Variants in XPR1 observed in about 807,000 individuals in gnomAD.
The protein encoded by XPR1 is xenotropic and polytropic retrovirus receptor 1.
Under a neutral mutation model 87.5 loss-of-function variants are expected in XPR1, and 28 were observed. That is an observed-to-expected ratio of 0.32 (90% CI 0.24 to 0.44). The LOEUF (loss-of-function observed/expected upper bound fraction) is 0.44, where lower values mean the gene tolerates loss of function less well. Ranked by LOEUF, XPR1 falls within the 20% of genes least tolerant of loss-of-function variation. The pLI is 1.00. For missense variants in XPR1, 559 were observed against 862.3 expected (o/e 0.65, Z 4.41); for synonymous variants, 300 against 306.1 (o/e 0.98, Z 0.21).
At chr1:180,875,606 G>A (rs1413796108) in intron 13 of XPR1, among the ~76,000 whole-genome samples, 1 of 151,616 alleles carries the variant, frequency 6.6e-6, no homozygotes, top group Non-Finnish European at 1.5e-5. Flanking sequence ...ATGCTTACAA[G>A]GAAATGTGTA....
At chr1:180,829,593 G>A (rs1192426671) in intron 9 of XPR1, among the ~76,000 whole-genome samples, 1 of 152,030 alleles carries the variant, frequency 6.6e-6, no homozygotes, top group African/African-American at 2.4e-5. Flanking sequence ...CTATAATATG[G>A]TGCTATAATT....
chr1:180,780,109 G>A (rs1467615825), intron 2 of XPR1, among the ~76,000 whole-genome samples: 1 of 152,128 alleles, frequency 6.6e-6, no homozygotes, highest in African/African-American at 2.4e-5. Flanking sequence ...TATAAATAAT[G>A]CTGCTCTGAA....
Position 180,656,348 on chromosome 1 carries a change from T to A in XPR1, c.69+24078T>A, listed in dbSNP as rs150420993. Among the ~76,000 whole-genome samples, 329 of 106,336 alleles carry A rather than the reference T, an allele frequency of 3.1e-3. 15 individuals are homozygous for A. The East Asian group carries it at 0.087, about 28-fold the overall frequency. The allele number at this position is 106,336 out of a possible 152,430, so 69.8% of individuals were successfully genotyped here. ...ATTTATATATATAATATTTATATAT[T>A]TAATATTTATATATATAATATTTAT... is the stretch of plus-strand genomic sequence containing the variant. On this transcript the variant is annotated intron_variant, in intron 1 of 14. Coordinates refer to ENST00000367590, the MANE Select transcript of XPR1 (RefSeq NM_004736.4).
At chr1:180,726,198 C>T (rs12088908) in intron 2 of XPR1, among the ~76,000 whole-genome samples, 6,546 of 152,214 alleles carry the variant, frequency 0.043, 503 homozygotes, top group African/African-American at 0.15. Flanking sequence ...TGTAAATGCA[C>T]CAATCAGCAC....
intron 2 of XPR1, among the ~76,000 whole-genome samples, chr1:180,760,227 C>G (rs992566928): frequency 6.6e-6 from 1 of 152,166 alleles, no homozygotes; most frequent in African/African-American, 2.4e-5. Flanking sequence ...CCTCTCTTAC[C>G]GCTCCTATTC....
chr1:180,693,758 A>G (rs970307507), intron 2 of XPR1, among the ~76,000 whole-genome samples: 1 of 152,106 alleles, frequency 6.6e-6, no homozygotes, highest in Non-Finnish European at 1.5e-5. Context: ...TCCTCTGGGT[A>G]TCTAAGGACA....
chr1:180,706,871 A>G (rs1657578040), intron 2 of XPR1, among the ~76,000 whole-genome samples: 1 of 152,068 alleles, frequency 6.6e-6, no homozygotes, highest in Admixed American at 6.6e-5. Context: ...GCCCACCTCG[A>G]TATCCCAAAG....
chr1:180,842,476 G>C (rs902217847), intron 11 of XPR1, among the ~76,000 whole-genome samples: 1 of 152,144 alleles, frequency 6.6e-6, no homozygotes, highest in Non-Finnish European at 1.5e-5. Flanking sequence ...AAACACGTTT[G>C]AAATATTTCA....
At chr1:180,846,261 CAA>C (rs35729459) in intron 11 of XPR1, among the ~76,000 whole-genome samples, 9 of 128,286 alleles carry the variant, frequency 7.0e-5, no homozygotes, top group African/African-American at 1.4e-4. Flanking sequence ...GACTTCATCT[CAA>C]AAAAAAAAAA....
intron 1 of XPR1, among the ~76,000 whole-genome samples, chr1:180,640,370 G>A (rs759751300): frequency 2.0e-5 from 3 of 152,166 alleles, no homozygotes; most frequent in East Asian, 1.9e-4. Flanking sequence ...TGTTAGCTCC[G>A]TTTCTAGATG....
chr1:180,822,782 T>A (rs993069435), intron 7 of XPR1, among the ~76,000 whole-genome samples: 2 of 151,626 alleles, frequency 1.3e-5, no homozygotes, highest in East Asian at 1.9e-4. Flanking sequence ...ACAGAGACTT[T>A]AAAAAAAAAT....
rs561035248 is a variant in XPR1 at position 180,704,767 on chromosome 1, T to G, written c.121+22356T>G. ...AATTTCCAGACTTGACATATATATT[T>G]CCAGCCTGGGACCTCCAATCAGCCA... On this transcript the variant is annotated intron_variant, in intron 2 of 14. Coordinates refer to ENST00000367590, the MANE Select transcript of XPR1 (RefSeq NM_004736.4). Among the ~76,000 whole-genome samples, 4 of 148,880 alleles carry G rather than the reference T, an allele frequency of 2.7e-5. No individual in the cohort carries two copies. In the East Asian group the frequency reaches 7.8e-4, roughly 29 times the overall value.
intron 2 of XPR1, among the ~76,000 whole-genome samples, chr1:180,786,000 G>T (rs528072443): frequency 1.1e-4 from 17 of 151,100 alleles, no homozygotes; most frequent in Admixed American, 2.6e-4. Flanking sequence ...CCTGCTTCAT[G>T]CTTTGAAAAA....
chr1:180,645,572 T>C (rs1483502218), intron 1 of XPR1, among the ~76,000 whole-genome samples: 2 of 152,208 alleles, frequency 1.3e-5, no homozygotes, highest in African/African-American at 4.8e-5. Flanking sequence ...TGGTGACTGC[T>C]TTTCTGAAAT....
At chr1:180,637,684 G>C (rs1571663425) in intron 1 of XPR1, among the ~76,000 whole-genome samples, 1 of 152,230 alleles carries the variant, frequency 6.6e-6, no homozygotes, top group East Asian at 1.9e-4. Context: ...TTCCCAAGTA[G>C]CTGGCATTAC....
intron 11 of XPR1, among the ~76,000 whole-genome samples, chr1:180,840,230 A>C (rs1571885975): frequency 2.3e-3 from 2 of 856 alleles, no homozygotes; most frequent in South Asian, 0.25. Context: ...ACTCTGTCTC[A>C]AAAAAAAAAA....
rs181629714 is a variant in XPR1, at chr1:180,758,432, G to T, written c.122-29321G>T. On this transcript the variant is annotated intron_variant, in intron 2 of 14. Coordinates refer to ENST00000367590, the MANE Select transcript of XPR1 (RefSeq NM_004736.4). ...ACTTAAAAATGGTAAAGATGGACCA[G>T]CCATGGTTGCTCATGCCTGTAATCC... is the stretch of plus-strand genomic sequence containing the variant. 5.9e-5 allele frequency among the ~76,000 whole-genome samples: 9 copies of T among 152,318 alleles called. No homozygotes were observed. In the East Asian group the frequency reaches 1.5e-3, roughly 26 times the overall value.
chr1:180,713,556 C>T, intron 2 of XPR1, among the ~76,000 whole-genome samples: 1 of 152,080 alleles, frequency 6.6e-6, no homozygotes, highest in East Asian at 1.9e-4. Context: ...GTGGGCATCC[C>T]TTGTTTGCTG....
chr1:180,804,219 T>A (rs6679698), intron 4 of XPR1, among the ~76,000 whole-genome samples: 1 of 152,236 alleles, frequency 6.6e-6, no homozygotes, highest in South Asian at 2.1e-4. Context: ...CTCAGTGAGC[T>A]GCCTGCCTCA....
Sources: allele counts gnomAD v4.1 joint callset (sites outside exome capture counted in the v4.1 genomes callset), GRCh38; gene constraint gnomAD v4.1.1; transcripts MANE v1.5; gene names NCBI Gene and HGNC (gene_info 2026-07-23, HGNC 2026-07-21).